BANK1: variants seen among roughly 807,000 people sequenced by gnomAD.
The protein encoded by BANK1 is B cell scaffold protein with ankyrin repeats 1.
In BANK1, 95 loss-of-function variants were observed where a neutral mutation model predicts 94.5. That is an observed-to-expected ratio of 1.00 (90% CI 0.85 to 1.19). The LOEUF (loss-of-function observed/expected upper bound fraction) is 1.19. Among genes scored for constraint, BANK1 ranks in the 50% most tolerant of loss-of-function variants. BANK1 has a pLI of 0.00. For synonymous variants in BANK1, 334 were observed against 308.4 expected, an observed-to-expected ratio of 1.08 and a Z score of -0.87; for missense variants, 987 against 932.2, an observed-to-expected ratio of 1.06 and a Z score of -0.77.
At chr4:101,871,510 G>A (rs923368282) in intron 5 of BANK1, among the ~76,000 whole-genome samples, 24 of 152,026 alleles carry the variant, frequency 1.6e-4, no homozygotes, top group Non-Finnish European at 2.6e-4. Flanking sequence ...GTTATTTCAT[G>A]TGACACATTT....
intron 7 of BANK1, among the ~76,000 whole-genome samples, chr4:101,973,828 T>A (rs953100924): frequency 2.6e-5 from 4 of 152,066 alleles, no homozygotes; most frequent in African/African-American, 9.7e-5. Flanking sequence ...GAAAAGACAA[T>A]CATATTATAG....
At chr4:101,878,527 A>G (rs1560613420) in intron 5 of BANK1, among the ~76,000 whole-genome samples, 1 of 152,194 alleles carries the variant, frequency 6.6e-6, no homozygotes, top group African/African-American at 2.4e-5. Context: ...CAACACCTCA[A>G]TTTCAGCATC....
intron 1 of BANK1, among the ~76,000 whole-genome samples, chr4:101,800,558 G>T (rs1725325597): frequency 6.6e-6 from 1 of 151,990 alleles, no homozygotes; most frequent in Non-Finnish European, 1.5e-5. Flanking sequence ...TTAAAATCCT[G>T]TTTTTGCATT....
chr4:101,840,140 T>C (rs1470451170), intron 2 of BANK1, among the ~76,000 whole-genome samples: 1 of 148,972 alleles, frequency 6.7e-6, no homozygotes. Context: ...GGCTAATTTT[T>C]TGTATTTTTA....
intron 11 of BANK1, among the ~76,000 whole-genome samples, chr4:102,051,758 C>G: frequency 6.6e-6 from 1 of 152,112 alleles, no homozygotes. Flanking sequence ...TTTCCATATA[C>G]ATGCAGAAAA....
chr4:101,984,652 C>G (rs1028929972), intron 7 of BANK1, among the ~76,000 whole-genome samples: 8 of 152,018 alleles, frequency 5.3e-5, no homozygotes, highest in African/African-American at 1.9e-4. Flanking sequence ...TCAATTAGAT[C>G]TAAGAACAAA....
chr4:102,042,709 G>A (rs929886028), intron 10 of BANK1, among the ~76,000 whole-genome samples: 1 of 151,922 alleles, frequency 6.6e-6, no homozygotes. Flanking sequence ...GTTAAAACAC[G>A]TTCACTCCCA....
Position 101,907,267 on chromosome 4 carries a change from T to G in BANK1, c.1010-10726T>G, listed in dbSNP as rs191463448. Among the ~76,000 whole-genome samples, 9 of 152,320 alleles carry G rather than the reference T, an allele frequency of 5.9e-5. No homozygotes were observed. In the East Asian group the frequency reaches 1.7e-3, roughly 29 times the overall value. Reference sequence around the variant, plus strand: ...GGTTCAACATATGCAAGTCAATAAATGTAATCCAGCATATAAACAGAACCA... The same window carrying G: ...GGTTCAACATATGCAAGTCAATAAAGGTAATCCAGCATATAAACAGAACCA... On this transcript the variant is annotated intron_variant, in intron 6 of 16. Coordinates refer to ENST00000322953, the MANE Select transcript of BANK1 (RefSeq NM_017935.5).
chr4:101,805,808 G>A (rs1001631799), intron 1 of BANK1, among the ~76,000 whole-genome samples: 1 of 151,496 alleles, frequency 6.6e-6, no homozygotes, highest in Non-Finnish European at 1.5e-5. Flanking sequence ...GTTTGTGGAA[G>A]AGCTTCATTT....
At chr4:102,000,930 G>T (rs762454861) in intron 7 of BANK1, among the ~76,000 whole-genome samples, 1 of 152,112 alleles carries the variant, frequency 6.6e-6, no homozygotes, top group African/African-American at 2.4e-5. Context: ...TTTTTTGAGG[G>T]CCAGGGTAGT....
chr4:101,840,731 C>G (rs900991934), intron 2 of BANK1, among the ~76,000 whole-genome samples: 9 of 152,326 alleles, frequency 5.9e-5, no homozygotes, highest in African/African-American at 2.2e-4. Context: ...GTTCGAGGCT[C>G]TCAGCTCTGA....
intron 1 of BANK1, 41 bp downstream of exon 1, chr4:101,790,991 G>A: frequency 1.4e-6 from 2 of 1,426,536 alleles, no homozygotes; most frequent in South Asian, 1.4e-5. Context: ...CGCCGAGGCC[G>A]GGCTACGGGG....
intron 3 of BANK1, among the ~76,000 whole-genome samples, chr4:101,856,767 A>T (rs2148875111): frequency 6.6e-6 from 1 of 152,284 alleles, no homozygotes; most frequent in South Asian, 2.1e-4. Context: ...ATTGACATTG[A>T]TATAATTCTT....
chr4:102,020,679 G>A (rs1159802376), intron 7 of BANK1, among the ~76,000 whole-genome samples: 1 of 152,032 alleles, frequency 6.6e-6, no homozygotes, highest in Non-Finnish European at 1.5e-5. Context: ...AATTTTTGAA[G>A]GGACATTTCA....
Position 101,897,619 on chromosome 4 carries a change from G to C in BANK1, c.1009+2209G>C, listed in dbSNP as rs961231446. On this transcript the variant is annotated intron_variant, in intron 6 of 16. Transcript: ENST00000322953. ...TGCTACACCTCATACCTCTCACTAGGTACTAAGACTTTAGAGCAATTGTTC... is the reference window on the plus strand; with the variant it reads ...TGCTACACCTCATACCTCTCACTAGCTACTAAGACTTTAGAGCAATTGTTC... Among the ~76,000 whole-genome samples the C allele has an allele frequency of 2.0e-5, 3 of 152,032 alleles. No individual in the cohort carries two copies. In the East Asian group the frequency reaches 5.8e-4, roughly 29 times the overall value.
At chr4:101,967,750 C>T (rs1204314416) in intron 7 of BANK1, among the ~76,000 whole-genome samples, 1 of 151,658 alleles carries the variant, frequency 6.6e-6, no homozygotes, top group Non-Finnish European at 1.5e-5. Context: ...ATTATTACTC[C>T]CAAGAAAGGA....
intron 7 of BANK1, among the ~76,000 whole-genome samples, chr4:102,010,252 G>A (rs943601004): frequency 6.6e-6 from 1 of 152,032 alleles, no homozygotes; most frequent in Non-Finnish European, 1.5e-5. Context: ...GCGACAGAGT[G>A]AAACTCCATC....
rs1046658066 is a variant in BANK1 at position 101,987,732 on chromosome 4, A to G, written c.1207-33782A>G. 3.9e-5 allele frequency among the ~76,000 whole-genome samples: 6 copies of G among 152,116 alleles called. No homozygotes were observed. In the South Asian group the frequency reaches 8.3e-4, roughly 21 times the overall value. On this transcript the variant is annotated intron_variant, in intron 7 of 16. Transcript: ENST00000322953. ...ATTCTACCTCTGTTATCTTACTTTC[A>G]TTTGCATCTGATACAGGTTTGTGAG...
intron 7 of BANK1, among the ~76,000 whole-genome samples, chr4:101,977,522 A>C (rs766348526): frequency 6.6e-6 from 1 of 152,184 alleles, no homozygotes; most frequent in Non-Finnish European, 1.5e-5. Context: ...AAATCAAGAT[A>C]TTCCTGTGAT....
Sources: allele counts gnomAD v4.1 joint callset (sites outside exome capture counted in the v4.1 genomes callset), GRCh38; gene constraint gnomAD v4.1.1; transcripts MANE v1.5; gene names NCBI Gene and HGNC (gene_info 2026-07-23, HGNC 2026-07-21).